The following DTNA variants were observed in gnomAD, a reference collection of about 807,000 sequenced individuals.
DTNA encodes the protein dystrobrevin alpha, also known as dystrophin-related protein 3.
Under a neutral mutation model 100.7 loss-of-function variants are expected in DTNA, and 43 were observed. The ratio of observed to expected loss-of-function variants is 0.43; its 90% CI spans 0.33 to 0.55. The LOEUF (loss-of-function observed/expected upper bound fraction) is 0.55. Ranked by LOEUF, DTNA falls within the 20% of genes least tolerant of loss-of-function variation. The pLI is 0.04. For missense variants in DTNA, 798 were observed against 953.9 expected (o/e 0.84, Z 2.15); for synonymous variants, 349 against 347.9 (o/e 1.00, Z -0.04).
chr18:34,873,466 C>G (rs554255190), intron 17 of DTNA, among the ~76,000 whole-genome samples: 1 of 152,338 alleles, frequency 6.6e-6, no homozygotes, highest in African/African-American at 2.4e-5. Context: ...GGGCATCTGA[C>G]CAGCGTCTGT....
chr18:34,809,291 A>G (rs1171593059), intron 5 of DTNA, among the ~76,000 whole-genome samples: 1 of 152,112 alleles, frequency 6.6e-6, no homozygotes, highest in Non-Finnish European at 1.5e-5. Flanking sequence ...TTGCATTTTA[A>G]TGATAAAACA....
At chr18:34,546,773 T>A (rs930007055) in intron 1 of DTNA, among the ~76,000 whole-genome samples, 1 of 151,900 alleles carries the variant, frequency 6.6e-6, no homozygotes, top group African/African-American at 2.4e-5. Flanking sequence ...CTTTTTTTTT[T>A]ATCTCAGCTC....
chr18:34,578,132 A>G (rs1405502578), intron 1 of DTNA, among the ~76,000 whole-genome samples: 2 of 147,848 alleles, frequency 1.4e-5, no homozygotes, highest in African/African-American at 5.2e-5. Context: ...ATAATCTACT[A>G]TGTGTTTTTT....
At chr18:34,642,798 C>A (rs921855510) in intron 1 of DTNA, among the ~76,000 whole-genome samples, 1 of 152,134 alleles carries the variant, frequency 6.6e-6, no homozygotes, top group African/African-American at 2.4e-5. Flanking sequence ...ACCTCATGAT[C>A]TGTCCACCTC....
intron 1 of DTNA, among the ~76,000 whole-genome samples, chr18:34,729,527 C>T (rs985133227): frequency 6.6e-6 from 1 of 152,182 alleles, no homozygotes; most frequent in Non-Finnish European, 1.5e-5. Context: ...GAGAACAGGA[C>T]GTCTGAGTGT....
chr18:34,817,372 C>G, intron 7 of DTNA, among the ~76,000 whole-genome samples: 1 of 152,098 alleles, frequency 6.6e-6, no homozygotes, highest in Non-Finnish European at 1.5e-5. Flanking sequence ...TAGTATCTAG[C>G]TCATAGCATG....
At position 34,524,762 on chromosome 18, in the gene DTNA, T is replaced by TA. The variant is rs202231288; in HGVS notation, c.-2+31256dup. Among the ~76,000 whole-genome samples the TA allele has an allele frequency of 4.0e-4, 61 of 151,372 alleles. No homozygotes were observed. In the East Asian group the frequency reaches 6.6e-3, roughly 16 times the overall value. On this transcript the variant is annotated intron_variant, in intron 1 of 19. Transcript: ENST00000283365. The stretch of plus-strand genomic sequence containing the variant: ...TTAGAGACACAAGAGGATTTTTTTT[T>TA]AAAAAAAAGGTTTATGTGTTTCTGA...
intron 1 of DTNA, among the ~76,000 whole-genome samples, chr18:34,640,496 GGC>G (rs2059153812): frequency 6.6e-6 from 1 of 152,186 alleles, no homozygotes; most frequent in Admixed American, 6.5e-5. Flanking sequence ...TAATGCCCAT[GGC>G]AAGGACCTCC....
intron 1 of DTNA, among the ~76,000 whole-genome samples, chr18:34,521,411 A>G (rs1209093535): frequency 6.6e-6 from 1 of 152,194 alleles, no homozygotes; most frequent in African/African-American, 2.4e-5. Flanking sequence ...CTAGTCCTTC[A>G]GAATGAACCA....
intron 1 of DTNA, among the ~76,000 whole-genome samples, chr18:34,690,026 A>T (rs1160529545): frequency 1.3e-5 from 2 of 152,210 alleles, no homozygotes; most frequent in Non-Finnish European, 2.9e-5. Flanking sequence ...GATCGACTTC[A>T]GACTGCTGTG....
chr18:34,559,120 C>G (rs1182484104), intron 1 of DTNA, among the ~76,000 whole-genome samples: 1 of 151,962 alleles, frequency 6.6e-6, no homozygotes, highest in Non-Finnish European at 1.5e-5. Flanking sequence ...TACATGATAC[C>G]CATAATGCCT....
At chr18:34,549,883 T>C (rs543045056) in intron 1 of DTNA, among the ~76,000 whole-genome samples, 1 of 152,196 alleles carries the variant, frequency 6.6e-6, no homozygotes, top group South Asian at 2.1e-4. Flanking sequence ...TGGTGATTTG[T>C]ACATTTGGCA....
At chr18:34,663,314 C>G (rs987518311) in intron 1 of DTNA, among the ~76,000 whole-genome samples, 1 of 151,986 alleles carries the variant, frequency 6.6e-6, no homozygotes, top group African/African-American at 2.4e-5. Flanking sequence ...CATGCCACCA[C>G]GCCTGGCTAA....
intron 1 of DTNA, among the ~76,000 whole-genome samples, chr18:34,508,015 C>A (rs573327873): frequency 1.3e-5 from 2 of 152,038 alleles, no homozygotes; most frequent in Non-Finnish European, 2.9e-5. Flanking sequence ...AATGCATTAC[C>A]TAAAACTATC....
rs559539516 is a variant in DTNA, at chr18:34,777,357, G to A, written c.148+11316G>A. On this transcript the variant is annotated intron_variant, in intron 3 of 22. Coordinates refer to ENST00000444659, the MANE Select transcript of DTNA (RefSeq NM_001386795.1). Reference sequence around the variant, plus strand: ...GATGTCAAAGATAGTGTATGGTTCAGTACCTATTAATTTTAAATGAATAAA... The same window carrying A: ...GATGTCAAAGATAGTGTATGGTTCAATACCTATTAATTTTAAATGAATAAA... Among the ~76,000 whole-genome samples, 14 of 152,348 alleles carry A rather than the reference G, an allele frequency of 9.2e-5. No individual in the cohort carries two copies. In the South Asian group the frequency reaches 2.9e-3, roughly 32 times the overall value.
At chr18:34,618,228 A>C (rs1217306986) in intron 1 of DTNA, among the ~76,000 whole-genome samples, 1 of 152,142 alleles carries the variant, frequency 6.6e-6, no homozygotes, top group Non-Finnish European at 1.5e-5. Context: ...TAAAATATTC[A>C]TGTCAACCAT....
intron 1 of DTNA, among the ~76,000 whole-genome samples, chr18:34,576,026 G>T (rs575966308): frequency 6.6e-6 from 1 of 152,286 alleles, no homozygotes; most frequent in East Asian, 1.9e-4. Flanking sequence ...CAGAAAACAT[G>T]CCATGATGTT....
chr18:34,837,440 A>T (rs2098143315), intron 11 of DTNA, among the ~76,000 whole-genome samples: 3 of 152,214 alleles, frequency 2.0e-5, no homozygotes, highest in Admixed American at 2.0e-4. Context: ...AAAGAAAATG[A>T]GTAGTTCCCA....
chr18:34,675,515 A>G (rs896535480), intron 1 of DTNA, among the ~76,000 whole-genome samples: 2 of 152,172 alleles, frequency 1.3e-5, no homozygotes, highest in African/African-American at 4.8e-5. Context: ...ATATGGTGCA[A>G]GTTCACAAGG....
Sources: gnomAD v4.1 joint callset for allele counts (sites outside exome capture counted in the v4.1 genomes callset) on GRCh38, gnomAD v4.1.1 for gene constraint, MANE v1.5 for transcripts, NCBI Gene and HGNC (gene_info 2026-07-23, HGNC 2026-07-21) for gene names.